Variants in MACROD2 observed in about 807,000 individuals in gnomAD.
MACROD2 encodes mono-ADP ribosylhydrolase 2, also known as ADP-ribose glycohydrolase MACROD2.
MACROD2 carries 36 observed loss-of-function variants against 70.4 expected under a neutral mutation model. That is an observed-to-expected ratio of 0.51 (90% CI 0.39 to 0.68). The LOEUF (loss-of-function observed/expected upper bound fraction) is 0.68, where lower values mean the gene tolerates loss of function less well. Ranked by LOEUF, MACROD2 falls within the 30% of genes least tolerant of loss-of-function variation. The pLI, the probability that MACROD2 is intolerant of heterozygous loss-of-function variation, is 0.00. For synonymous variants in MACROD2, 172 were observed against 178.8 expected, an observed-to-expected ratio of 0.96 and a Z score of 0.30; for missense variants, 496 against 538.4, an observed-to-expected ratio of 0.92 and a Z score of 0.78.
At chr20:15,293,311 A>G (rs1197003916) in intron 6 of MACROD2, among the ~76,000 whole-genome samples, 1 of 152,236 alleles carries the variant, frequency 6.6e-6, no homozygotes, top group Non-Finnish European at 1.5e-5. Context: ...GTATTATAAC[A>G]CACTGCCATA....
intron 3 of MACROD2, among the ~76,000 whole-genome samples, chr20:14,398,981 G>A (rs2083608909): frequency 6.6e-6 from 1 of 150,478 alleles, no homozygotes; most frequent in Non-Finnish European, 1.5e-5. Flanking sequence ...AACCCATTCA[G>A]CATTTATATA....
rs557053436 is a variant in MACROD2, at chr20:15,768,138, C to CTGTGTGTGTGTG, written c.646-94597_646-94586dup. Among the ~76,000 whole-genome samples, 104 of 148,640 alleles carry CTGTGTGTGTGTG rather than the reference C, an allele frequency of 7.0e-4. 1 individual carries two copies. The highest frequency in any genetic ancestry group is 2.5e-3 in the African/African-American group (101 of 40,880). Reference sequence around the variant, plus strand: ...TGTGTGTGTGTTTGTGTGTATGTGTCTGTGTGTGTGTGTGTGTGTGTAGTC... The same window carrying CTGTGTGTGTGTG: ...TGTGTGTGTGTTTGTGTGTATGTGTCTGTGTGTGTGTGTGTGTGTGTGTGTGTGTGTGTAGTC... On this transcript the variant is annotated intron_variant, in intron 8 of 17. Transcript: ENST00000684519.
chr20:15,161,098 A>G (rs895379375), intron 5 of MACROD2, among the ~76,000 whole-genome samples: 3 of 152,004 alleles, frequency 2.0e-5, no homozygotes, highest in Non-Finnish European at 2.9e-5. Context: ...CCTCATTGCC[A>G]TGTGGATTGG....
chr20:14,532,253 C>G, intron 4 of MACROD2, among the ~76,000 whole-genome samples: 1 of 142,868 alleles, frequency 7.0e-6, no homozygotes, highest in South Asian at 2.2e-4. Flanking sequence ...GAGTCTTGCT[C>G]TGTCACCCAG....
rs986470338 is a variant in MACROD2 at position 15,558,006 on chromosome 20, C to T, written c.645+58159C>T. Among the ~76,000 whole-genome samples, 3 of 152,136 alleles carry T rather than the reference C, an allele frequency of 2.0e-5. No homozygotes were observed. In the East Asian group the frequency reaches 5.8e-4, roughly 29 times the overall value. On this transcript the variant is annotated intron_variant, in intron 8 of 17. Transcript: ENST00000684519. ...CTACTATATGTTAGGCACTGTAATA[C>T]GCTTTACTCAAATCTCAATCAATCT...
chr20:14,028,947 TTGA>T (rs2053215105), intron 2 of MACROD2, among the ~76,000 whole-genome samples: 1 of 152,230 alleles, frequency 6.6e-6, no homozygotes, highest in Admixed American at 6.5e-5. Context: ...GTTAGGAAAG[TTGA>T]TGATATAGCA....
chr20:15,713,996 C>CACACAA (rs2050670048), intron 8 of MACROD2, among the ~76,000 whole-genome samples: 1 of 131,690 alleles, frequency 7.6e-6, no homozygotes, highest in Non-Finnish European at 1.5e-5. Context: ...TGCACACACA[C>CACACAA]ACACACACAC....
intron 5 of MACROD2, among the ~76,000 whole-genome samples, chr20:15,196,038 C>G (rs1355376468): frequency 2.2e-4 from 34 of 152,234 alleles, no homozygotes; most frequent in Admixed American, 2.2e-3. Context: ...AATGAAAACA[C>G]ATGGACACAC....
rs780583827 is a variant in MACROD2 at position 15,535,461 on chromosome 20, G to C, written c.645+35614G>C. 4.6e-5 allele frequency among the ~76,000 whole-genome samples: 7 copies of C among 152,180 alleles called. No individual in the cohort carries two copies. The East Asian group carries it at 1.3e-3, about 29-fold the overall frequency. On this transcript the variant is annotated intron_variant, in intron 8 of 17. Transcript: ENST00000684519. ...GCTATATCAGAAATCCTGAGGACAA[G>C]GTCAGCAACTTCGGTTTTAGGAAAT... is the stretch of plus-strand genomic sequence containing the variant.
At chr20:15,499,747 A>T (rs754051679) in intron 7 of MACROD2, 27 bp from the exon 8 acceptor site, 1 of 1,611,514 alleles carries the variant, frequency 6.2e-7, no homozygotes, top group Non-Finnish European at 8.5e-7. Flanking sequence ...TTCGTTGTTC[A>T]TTTGTTTTTT....
chr20:15,537,529 A>C (rs1201895729), intron 8 of MACROD2, among the ~76,000 whole-genome samples: 2 of 139,016 alleles, frequency 1.4e-5, no homozygotes, highest in South Asian at 2.2e-4. Context: ...GCTGGGGTGC[A>C]ATGACACCAT....
At chr20:14,631,539 G>T (rs544354920) in intron 4 of MACROD2, among the ~76,000 whole-genome samples, 2 of 152,178 alleles carry the variant, frequency 1.3e-5, no homozygotes, top group Non-Finnish European at 2.9e-5. Context: ...GGGAGGCCGA[G>T]GTGGGCAGAT....
At chr20:15,839,975 G>T (rs1166574315) in intron 8 of MACROD2, among the ~76,000 whole-genome samples, 1 of 152,094 alleles carries the variant, frequency 6.6e-6, no homozygotes, top group Non-Finnish European at 1.5e-5. Flanking sequence ...TAGAATTGTA[G>T]CACATATTAA....
intron 5 of MACROD2, among the ~76,000 whole-genome samples, chr20:14,787,462 G>A (rs2072727812): frequency 6.6e-6 from 1 of 152,116 alleles, no homozygotes; most frequent in South Asian, 2.1e-4. Context: ...TGAAGTCAGA[G>A]CGAAGGTAAG....
At chr20:15,724,195 G>A (rs760807206) in intron 8 of MACROD2, among the ~76,000 whole-genome samples, 26 of 152,056 alleles carry the variant, frequency 1.7e-4, no homozygotes, top group Non-Finnish European at 3.7e-4. Flanking sequence ...TGTGTCTTTT[G>A]CAAATATATT....
chr20:14,862,606 A>AAT lies in MACROD2; in HGVS notation c.418+177655_418+177656dup, dbSNP rs1568841294. 2.2e-4 allele frequency among the ~76,000 whole-genome samples: 6 copies of AAT among 27,190 alleles called. No individual in the cohort carries two copies. In the South Asian group the frequency reaches 4.9e-3, roughly 22 times the overall value. The allele number at this position is 27,190 out of a possible 152,430, so 17.8% of individuals were successfully genotyped here. On this transcript the variant is annotated intron_variant, in intron 5 of 17. Coordinates refer to ENST00000684519, the MANE Select transcript of MACROD2 (RefSeq NM_001351661.2). ...ATGTATAAATATATATATAAATATA[A>AAT]ATATATATAAATATATATATATAAA...
At chr20:14,010,882 G>A (rs906989007) in intron 2 of MACROD2, among the ~76,000 whole-genome samples, 1 of 152,088 alleles carries the variant, frequency 6.6e-6, no homozygotes, top group African/African-American at 2.4e-5. Context: ...TGCAACATCT[G>A]GACAAAGTTT....
intron 5 of MACROD2, among the ~76,000 whole-genome samples, chr20:15,001,931 G>C (rs1015307784): frequency 4.6e-5 from 7 of 150,794 alleles, no homozygotes; most frequent in Non-Finnish European, 1.0e-4. Context: ...TCATAGCTTA[G>C]CGCGTGTGCA....
At chr20:14,298,429 G>A (rs2082445592) in intron 3 of MACROD2, among the ~76,000 whole-genome samples, 1 of 151,636 alleles carries the variant, frequency 6.6e-6, no homozygotes, top group African/African-American at 2.4e-5. Flanking sequence ...TTAGCTGGAT[G>A]TGGTGGTGGG....
Sources: gnomAD v4.1 joint callset for allele counts (sites outside exome capture counted in the v4.1 genomes callset) on GRCh38, gnomAD v4.1.1 for gene constraint, MANE v1.5 for transcripts, NCBI Gene and HGNC (gene_info 2026-07-23, HGNC 2026-07-21) for gene names.